Variants in BIRC6 observed in about 807,000 individuals in gnomAD.
The protein encoded by BIRC6 is baculoviral IAP repeat containing 6, also known as dual E2 ubiquitin-conjugating enzyme/E3 ubiquitin-protein ligase BIRC6.
A neutral mutation model predicts 503.3 loss-of-function variants in BIRC6; 98 were observed. The observed-to-expected ratio is 0.19, with a 90% CI of 0.17 to 0.23. The LOEUF (loss-of-function observed/expected upper bound fraction) is 0.23, where lower values mean the gene tolerates loss of function less well. BIRC6 is among the 10% of genes least tolerant of loss of function. The probability of loss-of-function intolerance (pLI) is 1.00; values close to 1 mark genes in which losing one functional copy is unlikely to be tolerated. For synonymous variants in BIRC6, 2,240 were observed against 2,078.7 expected (o/e 1.08, Z -2.11); for missense variants, 5,360 against 5,806.0 (o/e 0.92, Z 2.50).
At chr2:32,520,518 T>G (rs947122775) in intron 57 of BIRC6, among the ~76,000 whole-genome samples, 2 of 151,996 alleles carry the variant, frequency 1.3e-5, no homozygotes, top group Non-Finnish European at 2.9e-5. Context: ...AAAATGAAAA[T>G]TAAAAAGTAA....
At chr2:32,488,289 C>T (rs1398074487) in intron 41 of BIRC6, among the ~76,000 whole-genome samples, 1 of 151,602 alleles carries the variant, frequency 6.6e-6, no homozygotes. Flanking sequence ...ATATAGCAGA[C>T]CTTGTCTCAA....
At chr2:32,436,870 GTTTT>G (rs1165297814) in intron 15 of BIRC6, among the ~76,000 whole-genome samples, 1 of 138,678 alleles carries the variant, frequency 7.2e-6, no homozygotes, top group African/African-American at 2.7e-5. Context: ...GCCAAGAGAG[GTTTT>G]TTTTGTTTTT....
intron 65 of BIRC6, among the ~76,000 whole-genome samples, chr2:32,567,406 T>G (rs1351176184): frequency 6.6e-6 from 1 of 152,236 alleles, no homozygotes; most frequent in African/African-American, 2.4e-5. Flanking sequence ...CCAAAAGAAT[T>G]TTTTGTTGTG....
At chr2:32,372,174 T>C (rs1411532630) in intron 1 of BIRC6, among the ~76,000 whole-genome samples, 1 of 152,112 alleles carries the variant, frequency 6.6e-6, no homozygotes, top group Non-Finnish European at 1.5e-5. Context: ...AAGTTGTCTA[T>C]TTTTTGTGTA....
chr2:32,478,083 G>C (rs949159163), intron 35 of BIRC6, among the ~76,000 whole-genome samples: 1 of 152,126 alleles, frequency 6.6e-6, no homozygotes, highest in Non-Finnish European at 1.5e-5. Context: ...CTTCACACCT[G>C]TAATCCCAAC....
Position 32,401,641 on chromosome 2 carries a change from A to G in BIRC6, c.1418+18A>G. ...GGAGATAGGTATGTGAGTTTGTTTT[A>G]GTAGTATTTAATAGATGTTACATGT... On this transcript the variant is annotated intron_variant, in intron 8 of 73. Coordinates refer to ENST00000421745, the MANE Select transcript of BIRC6 (RefSeq NM_016252.4). 6.3e-7 allele frequency: 1 copy of G among 1,599,874 alleles called. No homozygotes were observed. The highest frequency in any genetic ancestry group is 8.5e-7 in the Non-Finnish European group (1 of 1,173,544).
chr2:32,480,054 A>G lies in BIRC6; in HGVS notation c.7408+437A>G, dbSNP rs369523911. 4.6e-5 allele frequency among the ~76,000 whole-genome samples: 7 copies of G among 152,198 alleles called. No homozygotes were observed. In the South Asian group the frequency reaches 1.5e-3, roughly 32 times the overall value. On this transcript the variant is annotated intron_variant, in intron 37 of 73. Coordinates refer to ENST00000421745, the MANE Select transcript of BIRC6 (RefSeq NM_016252.4). ...TCATCTCCATACCCCTTACTTTTCA[A>G]AAGTCTGTTTTGGGTACTAATCTGT...
At chr2:32,392,650 T>G (rs2039377001) in intron 5 of BIRC6, among the ~76,000 whole-genome samples, 1 of 152,084 alleles carries the variant, frequency 6.6e-6, no homozygotes, top group Non-Finnish European at 1.5e-5. Flanking sequence ...TGAGACAGGG[T>G]CTCACTCTGT....
chr2:32,357,797 G>A lies in BIRC6; in HGVS notation c.325+311G>A, dbSNP rs540800866. On this transcript the variant is annotated intron_variant, in intron 1 of 73. Transcript: ENST00000421745. This position sits in a 1 kb window ranked among gnomAD's most constrained non-coding sequence, Gnocchi z 4.9. ...GGAGACCTTGGAGCTTGGCACCGGAGGAAGCGAGGCCCGGGTAGGCCCTGG... is the reference window on the plus strand; with the variant it reads ...GGAGACCTTGGAGCTTGGCACCGGAAGAAGCGAGGCCCGGGTAGGCCCTGG... Among the ~76,000 whole-genome samples, 7 of 152,252 alleles carry A rather than the reference G, an allele frequency of 4.6e-5. No individual in the cohort carries two copies. In the South Asian group the frequency reaches 1.5e-3, roughly 32 times the overall value.
At chr2:32,579,962 T>G (rs1429009637) in intron 66 of BIRC6, among the ~76,000 whole-genome samples, 3 of 151,242 alleles carry the variant, frequency 2.0e-5, no homozygotes, top group Admixed American at 6.6e-5. Flanking sequence ...CAGGTTTTTT[T>G]TTTTTTTTTT....
At chr2:32,491,380 T>C in intron 43 of BIRC6, 45 bp from the exon 44 acceptor site, 1 of 1,522,648 alleles carries the variant, frequency 6.6e-7, no homozygotes, top group Non-Finnish European at 8.8e-7. Context: ...ATTTCCATTA[T>C]TTCATGGTCC....
Position 32,597,812 on chromosome 2 carries a change from C to A in BIRC6, c.13674C>A (p.His4558Gln). Reference protein sequence around the residue: ...DGKLGFKVNYHYMSQVKNAND... With the variant: ...DGKLGFKVNYQYMSQVKNAND... ...AATTGGGATTTAAAGTAAATTACCA[C>A]TACATGTCTCAGGTGAAAAATGCTA... Residue 4558 changes from histidine to glutamine, a missense_variant, in exon 69 of 74, where the codon CAC becomes CAA. By Grantham distance (24) the His-to-Gln change is conservative. Transcript: ENST00000421745. The A allele has an allele frequency of 6.2e-7, 1 of 1,613,748 alleles. No individual in the cohort carries two copies. Among genetic ancestry groups the A allele is most frequent in the Non-Finnish European group, 8.5e-7 (1 of 1,179,708 alleles).
At chr2:32,531,756 A>G (rs886353575) in intron 61 of BIRC6, among the ~76,000 whole-genome samples, 1 of 152,218 alleles carries the variant, frequency 6.6e-6, no homozygotes, top group African/African-American at 2.4e-5. Context: ...TTGAAGATCA[A>G]GCACACTTGC....
intron 61 of BIRC6, among the ~76,000 whole-genome samples, chr2:32,542,733 A>G (rs1324569942): frequency 3.3e-5 from 5 of 152,238 alleles, no homozygotes; most frequent in Non-Finnish European, 7.3e-5. Context: ...ATTAATAACT[A>G]ATGTAGAGAC....
In BIRC6 at chr2:32,433,711, T is replaced by G. The variant is rs751002787; in HGVS notation, c.3316T>G (p.Phe1106Val). The G allele has an allele frequency of 6.2e-7, 1 of 1,606,514 alleles. No individual in the cohort carries two copies. Among genetic ancestry groups the G allele is most frequent in the Non-Finnish European group, 8.5e-7 (1 of 1,174,604 alleles). The change falls in exon 13 of 74, where the codon TTC becomes GTC. Residue 1106 changes from phenylalanine (F) to valine (V), a missense_variant. Around this residue, in one of 16 missense-constraint regions of BIRC6, gnomAD observed 2,299 missense variants for 2,267.2 expected, o/e 1.01. Transcript: ENST00000421745. ...AGCTTGTATGGTTGGACATGTGGAC[T>G]TCAAATTCGTTTTGAACTCAAACAT... ...PKACMVGHVD[F>V]KFVLNSNITN...
Position 32,510,027 on chromosome 2 carries a change from A to C in BIRC6, c.10237+33A>C, listed in dbSNP as rs370328463. On this transcript the variant is annotated intron_variant, in intron 52 of 73. Coordinates refer to ENST00000421745, the MANE Select transcript of BIRC6 (RefSeq NM_016252.4). Reference sequence around the variant, plus strand: ...TTAACTTTGATATTTAAATGTTTACATATCTGTAAAGTAACAGCAGTTGAA... The same window carrying C: ...TTAACTTTGATATTTAAATGTTTACCTATCTGTAAAGTAACAGCAGTTGAA... The C allele has an allele frequency of 3.5e-4, 563 of 1,606,024 alleles. 1 individual carries two copies. The highest frequency in any genetic ancestry group is 4.7e-4 in the Non-Finnish European group (555 of 1,177,484).
In BIRC6 at chr2:32,508,271, TTGTCC is replaced by T; in HGVS notation, c.9980+14_9980+18del. The T allele has an allele frequency of 1.4e-6, 2 of 1,428,524 alleles. No individual in the cohort carries two copies. Among genetic ancestry groups the T allele is most frequent in the South Asian group, 1.4e-5 (1 of 70,388 alleles). The allele number at this position is 1,428,524 out of a possible 1,614,324, so 88.5% of individuals were successfully genotyped here. A position where few individuals can be genotyped will look rare whatever the true frequency, so the allele number is the denominator to read the frequency against. On this transcript the variant is annotated intron_variant, in intron 51 of 73. Transcript: ENST00000421745. ...GTATCCAAAACAAGGTATGTTTTGTTTGTCCTTTTTTTTTTTTTTTTTTTTTTTTT... is the reference window on the plus strand; with the variant it reads ...GTATCCAAAACAAGGTATGTTTTGTTTTTTTTTTTTTTTTTTTTTTTTTTT...
Position 32,468,659 on chromosome 2 carries a change from C to A in BIRC6, c.6003C>A (p.Ser2001Arg), listed in dbSNP as rs1303734111. The change falls in exon 29 of 74, where the codon AGC becomes AGA. Residue 2001 changes from serine to arginine, a missense_variant. Transcript: ENST00000421745. ...GGCTCAAAGTGGCGCTAGGTGCAAGCCGGAAGATGTTGAGTGAAACATCAA... is the reference window on the plus strand; with the variant it reads ...GGCTCAAAGTGGCGCTAGGTGCAAGACGGAAGATGTTGAGTGAAACATCAA... ...VQRLKVALGA[S>R]RKMLSETSNP... 1 of 1,613,832 alleles carries A rather than the reference C, an allele frequency of 6.2e-7. No individual in the cohort carries two copies. The highest frequency in any genetic ancestry group is 1.3e-5 in the African/African-American group (1 of 74,912).
chr2:32,367,471 A>C (rs2035118639), intron 1 of BIRC6, among the ~76,000 whole-genome samples: 1 of 152,034 alleles, frequency 6.6e-6, no homozygotes, highest in South Asian at 2.1e-4. Context: ...CTCAAAAAAA[A>C]AACAAAAAAA....
Sources: allele counts gnomAD v4.1 joint callset (sites outside exome capture counted in the v4.1 genomes callset), GRCh38; gene constraint gnomAD v4.1.1; regional missense constraint gnomAD v4.1.1; non-coding constraint Gnocchi (gnomAD v3.1); transcripts MANE v1.5; gene names NCBI Gene and HGNC (gene_info 2026-07-23, HGNC 2026-07-21).